Variants in MYO18B observed in about 807,000 individuals in gnomAD.
The protein encoded by MYO18B is unconventional myosin-XVIIIb.
Under a neutral mutation model 273.0 loss-of-function variants are expected in MYO18B, and 204 were observed. The ratio of observed to expected loss-of-function variants is 0.75; its 90% confidence interval spans 0.67 to 0.84. The LOEUF is 0.84. MYO18B is among the 40% of genes least tolerant of loss of function. MYO18B has a pLI of 0.00. For missense variants in MYO18B, 3,212 were observed against 3,287.6 expected, an observed-to-expected ratio of 0.98 and a Z score of 0.56; for synonymous variants, 1,330 against 1,305.7, an observed-to-expected ratio of 1.02 and a Z score of -0.40.
chr22:25,804,943 G>A (rs999565894), intron 12 of MYO18B, among the ~76,000 whole-genome samples: 1 of 152,198 alleles, frequency 6.6e-6, no homozygotes, highest in African/African-American at 2.4e-5. Flanking sequence ...CGCAAAAGGT[G>A]TGGTGGGCTT....
At chr22:25,805,715 C>G (rs932826281) in intron 12 of MYO18B, among the ~76,000 whole-genome samples, 2 of 152,220 alleles carry the variant, frequency 1.3e-5, no homozygotes, top group Non-Finnish European at 2.9e-5. Context: ...GCCCACCTCT[C>G]CAGCCTCAGT....
intron 40 of MYO18B, 106 bp from the exon 41 acceptor site, chr22:26,003,159 A>C: frequency 1.0e-6 from 1 of 999,782 alleles, no homozygotes; most frequent in Non-Finnish European, 1.5e-6. Flanking sequence ...ACAGGGGCAA[A>C]GGTTGGAAGT....
intron 12 of MYO18B, among the ~76,000 whole-genome samples, chr22:25,813,527 A>G (rs987602010): frequency 6.6e-6 from 1 of 152,182 alleles, no homozygotes; most frequent in South Asian, 2.1e-4. Context: ...GCTCCACTCA[A>G]GGGTTTCTAG....
At position 25,847,605 on chromosome 22, in the gene MYO18B, A is replaced by C; in HGVS notation, c.3728A>C (p.Gln1243Pro). Residue 1243 changes from glutamine (Q) to proline (P), a missense_variant, in exon 20 of 44, where the codon CAG (glutamine) becomes CCG (proline). Gln to Pro is a moderately conservative substitution (Grantham distance 76). Coordinates refer to ENST00000335473, the MANE Select transcript of MYO18B (RefSeq NM_032608.7). ...LALDIPALRV[Q>P]LAGFHILEAL... Reference sequence around the variant, plus strand: ...CTGGATATCCCAGCACTGAGGGTCCAGCTTGCTGGGTTCCACATCCTGGAG... The same window carrying C: ...CTGGATATCCCAGCACTGAGGGTCCCGCTTGCTGGGTTCCACATCCTGGAG... 6.4e-7 allele frequency: 1 copy of C among 1,564,860 alleles called. No homozygotes were observed. Among genetic ancestry groups the C allele is most frequent in the Non-Finnish European group, 8.7e-7 (1 of 1,154,848 alleles).
chr22:25,863,860 G>T (rs372363938), intron 21 of MYO18B, among the ~76,000 whole-genome samples: 1 of 152,188 alleles, frequency 6.6e-6, no homozygotes, highest in East Asian at 1.9e-4. Flanking sequence ...CTTGTGTTTA[G>T]CCTGGAGCCA....
At chr22:25,992,627 C>A in intron 40 of MYO18B, 134 bp downstream of exon 40, 1 of 1,184,780 alleles carries the variant, frequency 8.4e-7, no homozygotes, top group Non-Finnish European at 1.2e-6. Flanking sequence ...AGGCACCCCT[C>A]GTTTACTTGG....
At chr22:25,744,966 G>A (rs1307528117) in intron 1 of MYO18B, among the ~76,000 whole-genome samples, 1 of 152,104 alleles carries the variant, frequency 6.6e-6, no homozygotes, top group East Asian at 1.9e-4. Flanking sequence ...TGTCACGGCT[G>A]GTGTTCAGGG....
At position 25,879,763 on chromosome 22, in the gene MYO18B, G is replaced by A. The variant is rs1274351382; in HGVS notation, c.4314+1715G>A. On this transcript the variant is annotated intron_variant, in intron 25 of 43. Transcript: ENST00000335473. ...AAGAAAAGAGGTTTGATTCGCTCAGGGTTCCACAGGCTGTACAGGAAGCAT... is the reference window on the plus strand; with the variant it reads ...AAGAAAAGAGGTTTGATTCGCTCAGAGTTCCACAGGCTGTACAGGAAGCAT... 3.3e-5 allele frequency among the ~76,000 whole-genome samples: 5 copies of A among 152,202 alleles called. No homozygotes were observed. In the East Asian group the frequency reaches 7.7e-4, roughly 23 times the overall value.
At chr22:25,866,436 G>C (rs889540225) in intron 21 of MYO18B, among the ~76,000 whole-genome samples, 6 of 152,148 alleles carry the variant, frequency 3.9e-5, no homozygotes, top group Admixed American at 2.0e-4. Flanking sequence ...ATCTCTTTGA[G>C]TAAAATTGTT....
At chr22:25,851,353 G>C (rs1257758592) in intron 20 of MYO18B, 117 bp from the exon 21 acceptor site, 3 of 682,170 alleles carry the variant, frequency 4.4e-6, no homozygotes, top group Non-Finnish European at 7.8e-6. Context: ...CATGCAGCAA[G>C]TTAGTAGCCA....
At position 25,941,243 on chromosome 22, in the gene MYO18B, A is replaced by G. The variant is rs528653576; in HGVS notation, c.5518-4894A>G. Among the ~76,000 whole-genome samples the G allele has an allele frequency of 4.3e-4, 65 of 152,202 alleles. 1 individual carries two copies. The highest frequency in any genetic ancestry group is 1.8e-3 in the Admixed American group (27 of 15,280). ...ATGGAAATTGCAGGACCTTCATCTC[A>G]CCCTAAACCTCTCCACCCCTGAGAG... On this transcript the variant is annotated intron_variant, in intron 34 of 43. Coordinates refer to ENST00000335473, the MANE Select transcript of MYO18B (RefSeq NM_032608.7).
At chr22:25,874,809 TG>T (rs1295834991) in intron 23 of MYO18B, among the ~76,000 whole-genome samples, 3 of 152,192 alleles carry the variant, frequency 2.0e-5, no homozygotes, top group Admixed American at 2.0e-4. Context: ...CAGAGATCTC[TG>T]GAGACTGAAT....
chr22:25,839,173 T>C (rs1417429936), intron 17 of MYO18B, among the ~76,000 whole-genome samples: 1 of 152,078 alleles, frequency 6.6e-6, no homozygotes, highest in Non-Finnish European at 1.5e-5. Context: ...TGCATGTGTG[T>C]ATATATGTAT....
chr22:25,758,521 G>A (rs1438661492), intron 1 of MYO18B, among the ~76,000 whole-genome samples: 1 of 151,724 alleles, frequency 6.6e-6, no homozygotes, highest in Non-Finnish European at 1.5e-5. Flanking sequence ...ATGCAATTGA[G>A]CAACAAAGTA....
intron 39 of MYO18B, among the ~76,000 whole-genome samples, chr22:25,991,470 T>C (rs932498311): frequency 6.6e-6 from 1 of 152,166 alleles, no homozygotes; most frequent in African/African-American, 2.4e-5. Context: ...AAATGTCCCC[T>C]GGGGGGCAAA....
At chr22:25,891,553 G>GTAC (rs1395822215) in intron 27 of MYO18B, 141 bp downstream of exon 27, 1 of 626,760 alleles carries the variant, frequency 1.6e-6, no homozygotes, top group African/African-American at 1.8e-5. Context: ...CAGGCACAGC[G>GTAC]TACTCTCTTG....
chr22:26,012,976 C>T (rs1417554527), intron 42 of MYO18B, among the ~76,000 whole-genome samples: 1 of 152,102 alleles, frequency 6.6e-6, no homozygotes, highest in Non-Finnish European at 1.5e-5. Flanking sequence ...TTCAAGCCAC[C>T]ACCTCCTCCT....
intron 21 of MYO18B, among the ~76,000 whole-genome samples, chr22:25,856,961 A>G (rs1245795890): frequency 2.0e-5 from 3 of 152,092 alleles, no homozygotes; most frequent in Non-Finnish European, 4.4e-5. Flanking sequence ...GGTCCTCTCT[A>G]GGAAGCAGTG....
the MYO18B span, among the ~76,000 whole-genome samples, chr22:26,054,985 T>C: frequency 6.6e-6 from 1 of 152,152 alleles, no homozygotes; most frequent in Non-Finnish European, 1.5e-5. Context: ...TAAACATCGA[T>C]GCTGAGTAAA....
Sources: gnomAD v4.1 joint callset for allele counts (sites outside exome capture counted in the v4.1 genomes callset) on GRCh38, gnomAD v4.1.1 for gene constraint, MANE v1.5 for transcripts, NCBI Gene and HGNC (gene_info 2026-07-23, HGNC 2026-07-21) for gene names.